The following IL12RB2 variants were observed in gnomAD, a reference collection of about 807,000 sequenced individuals.
IL12RB2 encodes the protein interleukin-12 receptor subunit beta-2.
A neutral mutation model predicts 89.4 loss-of-function variants in IL12RB2; 82 were observed. The observed-to-expected ratio is 0.92, with a 90% CI of 0.77 to 1.10. The LOEUF (loss-of-function observed/expected upper bound fraction) is 1.10, where lower values mean the gene tolerates loss of function less well. IL12RB2 is among the 50% of genes least tolerant of loss of function. The pLI is 0.00. For missense variants in IL12RB2, 963 were observed against 1,031.9 expected, an observed-to-expected ratio of 0.93 and a Z score of 0.92; for synonymous variants, 368 against 370.1, an observed-to-expected ratio of 0.99 and a Z score of 0.07.
intron 15 of IL12RB2, among the ~76,000 whole-genome samples, chr1:67,387,789 C>T (rs545543012): frequency 1.2e-3 from 186 of 151,636 alleles, no homozygotes; most frequent in African/African-American, 4.2e-3. Context: ...ACAATACGTA[C>T]TTTCATTTCT....
intron 13 of IL12RB2, among the ~76,000 whole-genome samples, chr1:67,373,970 C>T (rs911395352): frequency 2.6e-5 from 4 of 152,114 alleles, no homozygotes; most frequent in Non-Finnish European, 4.4e-5. Flanking sequence ...ATAAATAATA[C>T]TAAAACATGA....
At chr1:67,334,644 TA>T (rs1374138147) in intron 8 of IL12RB2, among the ~76,000 whole-genome samples, 2 of 151,930 alleles carry the variant, frequency 1.3e-5, no homozygotes, top group East Asian at 3.9e-4. Flanking sequence ...CACGCCCGGC[TA>T]ATTTTTTGTA....
chr1:67,320,074 C>T (rs1045587572), intron 2 of IL12RB2, among the ~76,000 whole-genome samples: 9 of 152,188 alleles, frequency 5.9e-5, no homozygotes, highest in Non-Finnish European at 1.3e-4. Context: ...TATTTTGTTA[C>T]AGCAGCCCAA....
chr1:67,347,563 A>G (rs1317059467), intron 9 of IL12RB2, among the ~76,000 whole-genome samples: 4 of 152,234 alleles, frequency 2.6e-5, no homozygotes, highest in Non-Finnish European at 5.9e-5. Context: ...CTCTTACAGT[A>G]GGTTTACTGA....
At chr1:67,387,700 C>CAAAAAA (rs10667103) in intron 15 of IL12RB2, among the ~76,000 whole-genome samples, 5 of 100,688 alleles carry the variant, frequency 5.0e-5, no homozygotes, top group Non-Finnish European at 9.3e-5. Flanking sequence ...AAGACTGTCT[C>CAAAAAA]AAAAAAAAAA....
intron 2 of IL12RB2, among the ~76,000 whole-genome samples, chr1:67,317,954 A>G (rs1175515033): frequency 1.3e-5 from 2 of 152,232 alleles, no homozygotes; most frequent in Non-Finnish European, 2.9e-5. Flanking sequence ...GGTGATGAGT[A>G]AAAAATCAAC....
At chr1:67,309,059 T>TATATATATAC (rs1286557310) in intron 1 of IL12RB2, among the ~76,000 whole-genome samples, 26 of 151,340 alleles carry the variant, frequency 1.7e-4, no homozygotes, top group African/African-American at 6.3e-4. Context: ...TATATATATA[T>TATATATATAC]ACACACACAC....
chr1:67,349,106 G>T (rs1368173286), intron 9 of IL12RB2, among the ~76,000 whole-genome samples: 3 of 152,180 alleles, frequency 2.0e-5, no homozygotes, highest in African/African-American at 7.2e-5. Context: ...ACAGCCATTG[G>T]ATCCAAGATA....
intron 14 of IL12RB2, among the ~76,000 whole-genome samples, chr1:67,383,243 T>C (rs1664794100): frequency 6.6e-6 from 1 of 152,168 alleles, no homozygotes; most frequent in African/African-American, 2.4e-5. Context: ...ACTCACTCAC[T>C]ATCATGAGAA....
intron 4 of IL12RB2, among the ~76,000 whole-genome samples, chr1:67,324,857 C>T (rs1010421559): frequency 1.3e-5 from 2 of 152,204 alleles, no homozygotes; most frequent in African/African-American, 4.8e-5. Flanking sequence ...TGATGACTAA[C>T]TGGATGTAGA....
intron 13 of IL12RB2, among the ~76,000 whole-genome samples, chr1:67,373,306 C>T (rs1663574962): frequency 1.3e-5 from 2 of 152,164 alleles, no homozygotes; most frequent in Non-Finnish European, 2.9e-5. Context: ...GACAGAGTCT[C>T]CCTGTGTTGT....
At chr1:67,390,455 CTT>C (rs67532605) in intron 16 of IL12RB2, among the ~76,000 whole-genome samples, 62 of 107,522 alleles carry the variant, frequency 5.8e-4, no homozygotes, top group African/African-American at 1.2e-3. Flanking sequence ...GCAAACTTTC[CTT>C]TTTTTTTTTT....
intron 10 of IL12RB2, among the ~76,000 whole-genome samples, chr1:67,355,845 C>A (rs1268673304): frequency 6.6e-6 from 1 of 152,192 alleles, no homozygotes; most frequent in Admixed American, 6.5e-5. Context: ...CCCCAGCAAA[C>A]ATCATGAGAG....
intron 15 of IL12RB2, among the ~76,000 whole-genome samples, chr1:67,387,904 G>A (rs1346368970): frequency 1.3e-5 from 2 of 151,898 alleles, no homozygotes; most frequent in East Asian, 3.9e-4. Flanking sequence ...GAGGCTGGGC[G>A]CCGGGGCTCA....
chr1:67,394,681 A>G (rs1666179106), intron 16 of IL12RB2, among the ~76,000 whole-genome samples: 1 of 152,188 alleles, frequency 6.6e-6, no homozygotes, highest in African/African-American at 2.4e-5. Flanking sequence ...CATCACTTAA[A>G]AGGCCCTGTG....
Position 67,331,831 on chromosome 1 carries a change from T to C in IL12RB2, c.958+1021T>C, listed in dbSNP as rs17129802. Among the ~76,000 whole-genome samples the C allele has an allele frequency of 4.4e-3, 660 of 150,406 alleles. 1 individual carries two copies. Among genetic ancestry groups the C allele is most frequent in the Non-Finnish European group, 6.5e-3 (442 of 67,594 alleles). On this transcript the variant is annotated intron_variant, in intron 8 of 16. Coordinates refer to ENST00000674203, the MANE Select transcript of IL12RB2 (RefSeq NM_001374259.2). ...TCCAGCCTGGGCAACAGATCGAGAC[T>C]GCATCTCATAAATAAATAAATAAAT...
At chr1:67,361,982 C>A (rs533756619) in intron 10 of IL12RB2, among the ~76,000 whole-genome samples, 7 of 152,168 alleles carry the variant, frequency 4.6e-5, no homozygotes, top group Non-Finnish European at 7.4e-5. Context: ...TTCAAAGAAA[C>A]CATGCAGGCC....
chr1:67,325,537 C>T (rs894735628), intron 4 of IL12RB2, among the ~76,000 whole-genome samples: 2 of 152,246 alleles, frequency 1.3e-5, no homozygotes, highest in African/African-American at 4.8e-5. Context: ...GTTGGGATTA[C>T]AGGCGTGAGC....
chr1:67,373,033 G>A (rs966274935), intron 13 of IL12RB2, among the ~76,000 whole-genome samples: 4 of 152,194 alleles, frequency 2.6e-5, no homozygotes. Context: ...TGAAGTAAAT[G>A]GACTAGTTCT....
Sources: gnomAD v4.1 joint callset for allele counts (sites outside exome capture counted in the v4.1 genomes callset) on GRCh38, gnomAD v4.1.1 for gene constraint, MANE v1.5 for transcripts, NCBI Gene and HGNC (gene_info 2026-07-23, HGNC 2026-07-21) for gene names.